TTC7B: variants seen among roughly 807,000 people sequenced by gnomAD.
TTC7B encodes tetratricopeptide repeat domain 7B, also known as tetratricopeptide repeat protein 7B.
TTC7B carries 28 observed loss-of-function variants against 106.8 expected under a neutral mutation model. The ratio of observed to expected loss-of-function variants is 0.26; its 90% CI spans 0.19 to 0.36. The LOEUF is 0.36. TTC7B is among the 10% of genes least tolerant of loss of function. The pLI, the probability that TTC7B is intolerant of heterozygous loss-of-function variation, is 1.00. For synonymous variants in TTC7B, 405 were observed against 430.6 expected (o/e 0.94, Z 0.74); for missense variants, 862 against 1,076.4 (o/e 0.80, Z 2.79).
At chr14:90,543,744 C>T (rs1464460876) in intron 19 of TTC7B, among the ~76,000 whole-genome samples, 2 of 152,224 alleles carry the variant, frequency 1.3e-5, no homozygotes, top group African/African-American at 2.4e-5. Flanking sequence ...TGAGTTATGG[C>T]CCTCTGCTCT....
At chr14:90,738,901 T>A (rs1889649280) in intron 4 of TTC7B, among the ~76,000 whole-genome samples, 1 of 152,100 alleles carries the variant, frequency 6.6e-6, no homozygotes. Context: ...GGTGCGTGCC[T>A]GTGGTCCCAG....
At chr14:90,754,148 T>C (rs963883075) in intron 3 of TTC7B, among the ~76,000 whole-genome samples, 1 of 152,214 alleles carries the variant, frequency 6.6e-6, no homozygotes, top group Non-Finnish European at 1.5e-5. Context: ...AATCTCCACA[T>C]TGGAGATAAG....
At chr14:90,559,913 C>T (rs1269810850) in intron 19 of TTC7B, among the ~76,000 whole-genome samples, 5 of 152,314 alleles carry the variant, frequency 3.3e-5, no homozygotes, top group Middle Eastern at 6.8e-3. Context: ...TGCTCCACAA[C>T]GCGCGCTCCC....
chr14:90,628,970 C>T lies in TTC7B; in HGVS notation c.1752-10925G>A, dbSNP rs140926028. ...TCTTCGGAGGCATAGCACGCTCCAG[C>T]GTGATTCTGCCTCCACATCTCACTG... On this transcript the variant is annotated intron_variant, in intron 15 of 19. Coordinates refer to ENST00000328459, the MANE Select transcript of TTC7B (RefSeq NM_001010854.2). 4.5e-3 allele frequency among the ~76,000 whole-genome samples: 690 copies of T among 152,378 alleles called. 4 individuals are homozygous for T. Among genetic ancestry groups the T allele is most frequent in the African/African-American group, 0.016 (659 of 41,592 alleles).
At chr14:90,552,460 G>A (rs1217459450) in intron 19 of TTC7B, among the ~76,000 whole-genome samples, 1 of 152,200 alleles carries the variant, frequency 6.6e-6, no homozygotes, top group Non-Finnish European at 1.5e-5. Flanking sequence ...CAGGTGGCCG[G>A]AGCCTGCACA....
At chr14:90,599,732 AC>A (rs1331141210) in intron 17 of TTC7B, among the ~76,000 whole-genome samples, 1 of 152,210 alleles carries the variant, frequency 6.6e-6, no homozygotes, top group Non-Finnish European at 1.5e-5. Context: ...TGCAGAAATC[AC>A]CTGCTGCTAA....
At chr14:90,811,482 G>A (rs375970536) in intron 1 of TTC7B, among the ~76,000 whole-genome samples, 21 of 152,264 alleles carry the variant, frequency 1.4e-4, no homozygotes, top group African/African-American at 4.8e-4. Context: ...AGTCCACCCC[G>A]ACTCCTCTTC....
chr14:90,673,597 T>C (rs554797261), intron 9 of TTC7B, among the ~76,000 whole-genome samples: 3 of 152,164 alleles, frequency 2.0e-5, no homozygotes, highest in Non-Finnish European at 4.4e-5. Flanking sequence ...TACTAACATT[T>C]ATGGAGCTCA....
intron 6 of TTC7B, among the ~76,000 whole-genome samples, chr14:90,692,503 T>C (rs1385266356): frequency 6.6e-6 from 1 of 152,238 alleles, no homozygotes; most frequent in Non-Finnish European, 1.5e-5. Flanking sequence ...ATGAATGTCA[T>C]TAGATGGAGA....
Position 90,644,103 on chromosome 14 carries a change from G to T in TTC7B, c.1696C>A (p.His566Asn), listed in dbSNP as rs1339972814. The change falls in exon 15 of 20, where the codon CAT becomes AAT. Residue 566 changes from histidine (H) to asparagine (N), a missense_variant. Transcript: ENST00000328459. ...ALLLSAQKHY[H>N]DALNIIDMAL... is the part of the protein sequence containing the mutation. ...ATGTCGATGATGTTCAGAGCGTCAT[G>T]GTAATGCTTCTGTGCTGACAGCAGG... The T allele has an allele frequency of 6.2e-7, 1 of 1,614,124 alleles. No individual in the cohort carries two copies. The highest frequency in any genetic ancestry group is 8.5e-7 in the Non-Finnish European group (1 of 1,180,020).
chr14:90,648,555 C>T (rs905686479), intron 13 of TTC7B: 1 of 152,064 alleles, frequency 6.6e-6, no homozygotes, highest in African/African-American at 2.4e-5. Context: ...TTTCAACATG[C>T]TATCCAGGCT....
Position 90,816,321 on chromosome 14 carries a change from C to T in TTC7B, c.-26G>A. 9.2e-7 allele frequency: 1 copy of T among 1,092,238 alleles called. No homozygotes were observed. The highest frequency in any genetic ancestry group is 1.1e-6 in the Non-Finnish European group (1 of 881,648). 67.7% of individuals were successfully genotyped at this position (1,092,238 alleles called of 1,614,324 possible). A position where few individuals can be genotyped will look rare whatever the true frequency, so the allele number is the denominator to read the frequency against. ...CGCGGCCTGGCCGGGCCCGGCCGCC[C>T]GCCCCGCAGGCCCCACCGCCGCCGC... On this transcript the variant is annotated 5_prime_UTR_variant, in exon 1 of 20. Coordinates refer to ENST00000328459, the MANE Select transcript of TTC7B (RefSeq NM_001010854.2).
rs961094148 is a variant in TTC7B, at chr14:90,600,229, G to A, written c.1967-6603C>T. On this transcript the variant is annotated intron_variant, in intron 17 of 19. Transcript: ENST00000328459. The surrounding 1 kb of genome is among the most constrained non-coding windows in gnomAD (Gnocchi z 4.3). ...CTGTCCCCTCATCTCCCTGGTGCCC[G>A]GGAGTTAGGACAATTCCCATCTTTG... is the stretch of plus-strand genomic sequence containing the variant. 1.3e-5 allele frequency among the ~76,000 whole-genome samples: 2 copies of A among 152,164 alleles called. No individual in the cohort carries two copies. The highest frequency in any genetic ancestry group is 2.1e-4 in the South Asian group (1 of 4,832).
intron 9 of TTC7B, among the ~76,000 whole-genome samples, chr14:90,659,637 C>A (rs1225900870): frequency 6.6e-6 from 1 of 151,966 alleles, no homozygotes; most frequent in Non-Finnish European, 1.5e-5. Context: ...ATGGGGCCAG[C>A]GGCAACGGAG....
intron 4 of TTC7B, among the ~76,000 whole-genome samples, chr14:90,731,634 G>A (rs150643342): frequency 1.3e-5 from 2 of 152,224 alleles, no homozygotes; most frequent in Non-Finnish European, 2.9e-5. Flanking sequence ...CTGACTCTCC[G>A]GGAGTTCCTC....
rs920025958 is a variant in TTC7B at position 90,573,666 on chromosome 14, G to A, written c.2310+4440C>T. ...GGCTCATGGTCCCTCTCTGGCTCAC[G>A]GTCCCTCTCGGCCCACAGGCCTCTT... On this transcript the variant is annotated intron_variant, in intron 19 of 19. Coordinates refer to ENST00000328459, the MANE Select transcript of TTC7B (RefSeq NM_001010854.2). Among the ~76,000 whole-genome samples, 4 of 151,918 alleles carry A rather than the reference G, an allele frequency of 2.6e-5. No homozygotes were observed. In the East Asian group the frequency reaches 7.7e-4, roughly 29 times the overall value.
At chr14:90,721,410 A>T (rs566345825) in intron 5 of TTC7B, among the ~76,000 whole-genome samples, 50 of 152,304 alleles carry the variant, frequency 3.3e-4, no homozygotes, top group African/African-American at 1.2e-3. Context: ...TTGTTTCCAC[A>T]CTAAGGTTTT....
chr14:90,688,318 TG>T (rs1320499476), intron 7 of TTC7B, among the ~76,000 whole-genome samples: 1 of 151,978 alleles, frequency 6.6e-6, no homozygotes, highest in Non-Finnish European at 1.5e-5. Context: ...AGTGAAACCC[TG>T]TCTCTACTAA....
intron 1 of TTC7B, among the ~76,000 whole-genome samples, chr14:90,810,578 T>C (rs2030844614): frequency 6.6e-6 from 1 of 152,210 alleles, no homozygotes; most frequent in African/African-American, 2.4e-5. Context: ...AAAAGTGTAT[T>C]AGCCCTTCCT....
Sources: allele counts gnomAD v4.1 joint callset (sites outside exome capture counted in the v4.1 genomes callset), GRCh38; gene constraint gnomAD v4.1.1; non-coding constraint Gnocchi (gnomAD v3.1); transcripts MANE v1.5; gene names NCBI Gene and HGNC (gene_info 2026-07-23, HGNC 2026-07-21).